UGT1A10: variants seen among roughly 807,000 people sequenced by gnomAD.
The protein encoded by UGT1A10 is UDP-glucuronosyltransferase 1A10.
Under a neutral mutation model 45.8 loss-of-function variants are expected in UGT1A10, and 49 were observed. The observed-to-expected ratio is 1.07, with a 90% CI of 0.85 to 1.36. UGT1A10 has a LOEUF of 1.36. UGT1A10 is among the 40% of genes most tolerant of loss of function. UGT1A10 has a pLI of 0.00. For missense variants in UGT1A10, 745 were observed against 668.6 expected (o/e 1.11, Z -1.26); for synonymous variants, 284 against 249.7 (o/e 1.14, Z -1.29).
intron 1 of UGT1A10, among the ~76,000 whole-genome samples, chr2:233,674,394 A>G (rs2074282720): frequency 6.6e-6 from 1 of 152,180 alleles, no homozygotes; most frequent in Non-Finnish European, 1.5e-5. Flanking sequence ...CCCTCCATAA[A>G]TTATAGTATC....
chr2:233,715,581 G>A (rs2076458979), intron 1 of UGT1A10, among the ~76,000 whole-genome samples: 1 of 151,966 alleles, frequency 6.6e-6, no homozygotes, highest in Non-Finnish European at 1.5e-5. Flanking sequence ...AGAGCAGCCT[G>A]GGCAACATGC....
At chr2:233,691,463 C>T (rs1253004006) in intron 1 of UGT1A10, 30 of 985,668 alleles carry the variant, frequency 3.0e-5, no homozygotes, top group Non-Finnish European at 3.6e-5. Flanking sequence ...GGCCCCAGAA[C>T]ACCTCCGGTG....
intron 1 of UGT1A10, among the ~76,000 whole-genome samples, chr2:233,702,673 C>T (rs1237832441): frequency 6.6e-6 from 1 of 152,056 alleles, no homozygotes; most frequent in East Asian, 1.9e-4. Flanking sequence ...CTTATCATAC[C>T]TGAGGTGTTT....
chr2:233,765,354 C>T (rs147489068), intron 1 of UGT1A10, among the ~76,000 whole-genome samples: 102 of 152,262 alleles, frequency 6.7e-4, no homozygotes, highest in African/African-American at 2.3e-3. Context: ...ATGGAACCAA[C>T]CCAGATGCCC....
chr2:233,733,086 T>G (rs2078354195), intron 1 of UGT1A10, among the ~76,000 whole-genome samples: 1 of 152,184 alleles, frequency 6.6e-6, no homozygotes, highest in Admixed American at 6.5e-5. Flanking sequence ...TGAATGGGAG[T>G]TCACTCATGG....
chr2:233,750,338 T>A (rs1437609393), intron 1 of UGT1A10, among the ~76,000 whole-genome samples: 1 of 151,900 alleles, frequency 6.6e-6, no homozygotes, highest in Non-Finnish European at 1.5e-5. Context: ...AGAGAGATGA[T>A]CTGAAATTGG....
At chr2:233,661,849 A>G (rs537739868) in intron 1 of UGT1A10, among the ~76,000 whole-genome samples, 2 of 151,954 alleles carry the variant, frequency 1.3e-5, no homozygotes, top group Admixed American at 1.3e-4. Context: ...GACACTTTGT[A>G]TGGGTCCTAT....
chr2:233,684,736 AT>A (rs2074697690), intron 1 of UGT1A10, among the ~76,000 whole-genome samples: 1 of 152,070 alleles, frequency 6.6e-6, no homozygotes, highest in East Asian at 1.9e-4. Flanking sequence ...TAGAAAATAA[AT>A]ATAATTATCA....
At chr2:233,751,513 GC>G (rs1314073844) in intron 1 of UGT1A10, among the ~76,000 whole-genome samples, 4 of 152,198 alleles carry the variant, frequency 2.6e-5, no homozygotes, top group African/African-American at 9.6e-5. Context: ...GGGCCAGAGG[GC>G]AGAATGATAT....
chr2:233,743,851 C>A lies in UGT1A10; in HGVS notation c.856-23183C>A, dbSNP rs375874968. The A allele has an allele frequency of 4.4e-6, 6 of 1,367,244 alleles. No individual in the cohort carries two copies. The Admixed American group carries it at 1.1e-4, about 26-fold the overall frequency. The allele number at this position is 1,367,244 out of a possible 1,614,324, so 84.7% of individuals were successfully genotyped here. A position where few individuals can be genotyped will look rare whatever the true frequency, so the allele number is the denominator to read the frequency against. ...GCCACTTGAGCGCCAGCTTGCGGTA[C>A]GCCTTCTTGATGGCCTCGGATGAGG... is the stretch of plus-strand genomic sequence containing the variant. On this transcript the variant is annotated intron_variant, in intron 1 of 4. Transcript: ENST00000344644.
chr2:233,717,658 A>G (rs1214490027), intron 1 of UGT1A10: 1 of 409,022 alleles, frequency 2.4e-6, no homozygotes, highest in Non-Finnish European at 5.0e-6. Flanking sequence ...ACAAGGAAGC[A>G]TCAGCAATCT....
intron 1 of UGT1A10, chr2:233,690,923 CA>C (rs1196108099): frequency 2.0e-6 from 2 of 1,021,660 alleles, no homozygotes; most frequent in Non-Finnish European, 2.3e-6. Flanking sequence ...TTCATTTCTT[CA>C]GCTCCTTCCT....
chr2:233,707,940 T>C (rs1388971917), intron 1 of UGT1A10, among the ~76,000 whole-genome samples: 2 of 152,248 alleles, frequency 1.3e-5, no homozygotes, highest in Non-Finnish European at 2.9e-5. Context: ...TATCAGTCAT[T>C]TGGATTTCCT....
At chr2:233,733,440 C>T (rs1200700751) in intron 1 of UGT1A10, among the ~76,000 whole-genome samples, 12 of 152,030 alleles carry the variant, frequency 7.9e-5, no homozygotes, top group African/African-American at 1.5e-4. Context: ...ATATTGGCTG[C>T]GGGTTTGTCA....
chr2:233,755,331 G>A (rs568550751), intron 1 of UGT1A10: 25 of 462,098 alleles, frequency 5.4e-5, no homozygotes, highest in Admixed American at 1.1e-4. Flanking sequence ...GCCAGCACCC[G>A]CGCACAGGTC....
chr2:233,767,201 T>C lies in UGT1A10; in HGVS notation c.987+36T>C, dbSNP rs756377002. 1.3e-4 allele frequency: 211 copies of C among 1,613,460 alleles called. 4 individuals are homozygous for C. In the South Asian group the frequency reaches 2.3e-3, roughly 17 times the overall value. ...TCTATACCATGGCCTCATATCTATT[T>C]TCACAGGAGCGCTAATCCCAGACTT... On this transcript the variant is annotated intron_variant, in intron 2 of 4. Transcript: ENST00000344644.
chr2:233,664,211 T>G (rs1337820563), intron 1 of UGT1A10, among the ~76,000 whole-genome samples: 3 of 152,134 alleles, frequency 2.0e-5, no homozygotes, highest in African/African-American at 7.2e-5. Flanking sequence ...TCTATCAGTA[T>G]TTTGGTCACA....
At chr2:233,647,070 CAAAG>C (rs1261573211) in intron 1 of UGT1A10, among the ~76,000 whole-genome samples, 1 of 152,154 alleles carries the variant, frequency 6.6e-6, no homozygotes, top group Non-Finnish European at 1.5e-5. Context: ...TGGCAGCAGG[CAAAG>C]AAAGAGAGCT....
At chr2:233,669,942 C>G (rs2924452) in intron 1 of UGT1A10, among the ~76,000 whole-genome samples, 1 of 152,250 alleles carries the variant, frequency 6.6e-6, no homozygotes, top group East Asian at 1.9e-4. Context: ...ACCTTGACCT[C>G]CCAAAGTGCT....
Sources: allele counts gnomAD v4.1 joint callset (sites outside exome capture counted in the v4.1 genomes callset), GRCh38; gene constraint gnomAD v4.1.1; transcripts MANE v1.5; gene names NCBI Gene and HGNC (gene_info 2026-07-23, HGNC 2026-07-21).